WWOX: variants seen among roughly 807,000 people sequenced by gnomAD.
The protein encoded by WWOX is WW domain-containing oxidoreductase.
In WWOX, 69 loss-of-function variants were observed where a neutral mutation model predicts 46.2. That is an observed-to-expected ratio of 1.49 (90% CI 1.23 to 1.82). WWOX has a LOEUF of 1.82. WWOX is among the 40% of genes most tolerant of loss of function. WWOX has a pLI of 0.00. For synonymous variants in WWOX, 359 were observed against 202.6 expected, an observed-to-expected ratio of 1.77 and a Z score of -6.56; for missense variants, 919 against 542.6, an observed-to-expected ratio of 1.69 and a Z score of -6.89.
At chr16:78,403,777 G>C (rs930451008) in intron 6 of WWOX, among the ~76,000 whole-genome samples, 7 of 152,170 alleles carry the variant, frequency 4.6e-5, no homozygotes, top group African/African-American at 1.7e-4. Context: ...GTTCTGCCTA[G>C]GCATTGTCAA....
At chr16:78,862,893 T>C (rs1201073112) in intron 8 of WWOX, among the ~76,000 whole-genome samples, 1 of 152,002 alleles carries the variant, frequency 6.6e-6, no homozygotes, top group Admixed American at 6.6e-5. Context: ...TTTAACATAA[T>C]ATCTGGGTAT....
At chr16:78,222,443 A>G (rs1022119855) in intron 5 of WWOX, among the ~76,000 whole-genome samples, 10 of 151,984 alleles carry the variant, frequency 6.6e-5, no homozygotes, top group African/African-American at 2.4e-4. Flanking sequence ...TGAGTGTGCC[A>G]TTTGCTCACT....
chr16:79,158,872 A>C (rs2050431992), intron 8 of WWOX, among the ~76,000 whole-genome samples: 1 of 152,246 alleles, frequency 6.6e-6, no homozygotes, highest in Non-Finnish European at 1.5e-5. Flanking sequence ...TGTGACAACA[A>C]GGACCTAGGT....
intron 8 of WWOX, among the ~76,000 whole-genome samples, chr16:79,187,775 C>T (rs1006483337): frequency 1.3e-5 from 2 of 152,244 alleles, no homozygotes; most frequent in Non-Finnish European, 2.9e-5. Context: ...CTCCTGGGCT[C>T]AAGCAATGCA....
At chr16:78,946,840 C>A (rs143260435) in intron 8 of WWOX, among the ~76,000 whole-genome samples, 2 of 152,162 alleles carry the variant, frequency 1.3e-5, no homozygotes, top group East Asian at 1.9e-4. Flanking sequence ...GACAAGAGGG[C>A]GTCACGGTGT....
chr16:78,424,947 C>G lies in WWOX; in HGVS notation c.683C>G (p.Thr228Ser), dbSNP rs761250135. The change falls in exon 7 of 9, where the codon ACC (threonine) becomes AGC (serine). Residue 228 changes from threonine to serine, a missense_variant. Coordinates refer to ENST00000566780, the MANE Select transcript of WWOX (RefSeq NM_016373.4). ...WSLTKDGLETTFQVNHLGHFY... is the reference protein window; with the variant it reads ...WSLTKDGLETSFQVNHLGHFY... ...CTCACCAAAGATGGCCTGGAGACCA[C>G]CTTTCAAGTGAATCATCTGGGGCAC... The G allele has an allele frequency of 1.2e-6, 2 of 1,614,024 alleles. No homozygotes were observed. The highest frequency in any genetic ancestry group is 1.3e-5 in the African/African-American group (1 of 74,928).
chr16:79,062,163 C>G lies in WWOX; in HGVS notation c.1057-149445C>G, dbSNP rs543492312. On this transcript the variant is annotated intron_variant, in intron 8 of 8. Transcript: ENST00000566780. Reference sequence around the variant, plus strand: ...CTGAAGGTTAGGGAGACTGGGGGCCCCAGACTCAAGGTTGGGGAGACTGGG... The same window carrying G: ...CTGAAGGTTAGGGAGACTGGGGGCCGCAGACTCAAGGTTGGGGAGACTGGG... Among the ~76,000 whole-genome samples the G allele has an allele frequency of 1.2e-4, 18 of 152,182 alleles. 1 individual carries two copies. The highest frequency in any genetic ancestry group is 3.1e-4 in the African/African-American group (13 of 41,514).
intron 8 of WWOX, among the ~76,000 whole-genome samples, chr16:78,599,550 C>G (rs1018952807): frequency 6.6e-6 from 1 of 152,206 alleles, no homozygotes; most frequent in Non-Finnish European, 1.5e-5. Context: ...AGGAGGGCCA[C>G]ATTCCTCTCA....
At chr16:78,994,363 AAAG>A (rs766753153) in intron 8 of WWOX, 4 of 152,222 alleles carry the variant, frequency 2.6e-5, no homozygotes, top group Non-Finnish European at 4.4e-5. Context: ...TGCTTTAAAG[AAAG>A]AAGAAGGAGA....
intron 8 of WWOX, among the ~76,000 whole-genome samples, chr16:78,609,157 T>C (rs548224092): frequency 6.6e-6 from 1 of 152,246 alleles, no homozygotes; most frequent in Non-Finnish European, 1.5e-5. Context: ...TTGAAATCTT[T>C]CTATCCTTTC....
intron 8 of WWOX, among the ~76,000 whole-genome samples, chr16:78,677,090 C>G (rs1355685006): frequency 3.3e-5 from 5 of 151,410 alleles, no homozygotes; most frequent in Non-Finnish European, 4.4e-5. Flanking sequence ...GCTGTTTTTG[C>G]ATTCAAATTC....
At chr16:78,503,915 G>A (rs760440096) in intron 8 of WWOX, 17 of 152,200 alleles carry the variant, frequency 1.1e-4, no homozygotes, top group South Asian at 4.1e-4. Flanking sequence ...ATGCGACTAA[G>A]TGTACAATAA....
At chr16:78,670,894 C>G (rs189111661) in intron 8 of WWOX, among the ~76,000 whole-genome samples, 1 of 151,700 alleles carries the variant, frequency 6.6e-6, no homozygotes, top group Non-Finnish European at 1.5e-5. Context: ...GGCCCTACAT[C>G]CAATAAGAAT....
At chr16:78,136,248 G>A (rs979492382) in intron 4 of WWOX, among the ~76,000 whole-genome samples, 3 of 152,314 alleles carry the variant, frequency 2.0e-5, no homozygotes, top group African/African-American at 7.2e-5. Context: ...TACAAAGCAA[G>A]GGATTTCATG....
intron 8 of WWOX, among the ~76,000 whole-genome samples, chr16:79,094,008 G>A (rs1320572671): frequency 2.0e-5 from 3 of 152,170 alleles, no homozygotes; most frequent in Admixed American, 6.5e-5. Context: ...ACGAATACAT[G>A]TATGAATGAA....
At chr16:79,013,554 T>C (rs2151378557) in intron 8 of WWOX, among the ~76,000 whole-genome samples, 1 of 152,292 alleles carries the variant, frequency 6.6e-6, no homozygotes, top group East Asian at 1.9e-4. Flanking sequence ...CACACAATGA[T>C]GGCCAGAGAC....
At chr16:78,401,979 G>A (rs748758533) in intron 6 of WWOX, among the ~76,000 whole-genome samples, 1 of 152,168 alleles carries the variant, frequency 6.6e-6, no homozygotes, top group Non-Finnish European at 1.5e-5. Flanking sequence ...GATTACAGGC[G>A]TGAGCCCCTA....
intron 5 of WWOX, among the ~76,000 whole-genome samples, chr16:78,386,236 A>T (rs530030449): frequency 7.2e-4 from 110 of 152,164 alleles, no homozygotes; most frequent in Middle Eastern, 3.2e-3. Context: ...GGCAGGCCCT[A>T]AGTACACAGT....
At chr16:78,377,236 A>T (rs141485642) in intron 5 of WWOX, among the ~76,000 whole-genome samples, 1 of 152,356 alleles carries the variant, frequency 6.6e-6, no homozygotes, top group East Asian at 1.9e-4. Flanking sequence ...TGATGTATGC[A>T]GTACTTGCAT....
Sources: gnomAD v4.1 joint callset for allele counts (sites outside exome capture counted in the v4.1 genomes callset) on GRCh38, gnomAD v4.1.1 for gene constraint, MANE v1.5 for transcripts, NCBI Gene and HGNC (gene_info 2026-07-23, HGNC 2026-07-21) for gene names.